AMD1: variants seen among roughly 807,000 people sequenced by gnomAD.
The protein encoded by AMD1 is S-adenosylmethionine decarboxylase proenzyme.
A neutral mutation model predicts 40.2 loss-of-function variants in AMD1; 11 were observed. The observed-to-expected ratio is 0.27, with a 90% CI of 0.17 to 0.45. AMD1 has a LOEUF of 0.45. AMD1 is among the 20% of genes least tolerant of loss of function. The probability of loss-of-function intolerance (pLI) is 1.00; values close to 1 mark genes in which losing one functional copy is unlikely to be tolerated. For synonymous variants in AMD1, 121 were observed against 130.8 expected, an observed-to-expected ratio of 0.93 and a Z score of 0.51; for missense variants, 257 against 410.2, an observed-to-expected ratio of 0.63 and a Z score of 3.23.
At chr6:110,861,244 G>A in the AMD1 span, among the ~76,000 whole-genome samples, 1 of 151,878 alleles carries the variant, frequency 6.6e-6, no homozygotes, top group African/African-American at 2.4e-5. Context: ...TGTAGTCCCA[G>A]CTACTCGGGA....
the AMD1 span, among the ~76,000 whole-genome samples, chr6:110,859,399 G>T: frequency 6.6e-6 from 1 of 152,024 alleles, no homozygotes; most frequent in African/African-American, 2.4e-5. Context: ...CTGCTGGCAC[G>T]TCCAGGCTGT....
chr6:110,885,793 T>C (rs367544047), intron 1 of AMD1, among the ~76,000 whole-genome samples: 17 of 152,346 alleles, frequency 1.1e-4, no homozygotes, highest in African/African-American at 3.6e-4. Context: ...TAAAGATTTT[T>C]GGATGGGTAT....
the AMD1 span, among the ~76,000 whole-genome samples, chr6:110,829,802 C>T: frequency 0.051 from 7,745 of 151,742 alleles, 494 homozygotes; most frequent in East Asian, 0.36. Context: ...GTCATGATTG[C>T]GCCACTGCAC....
chr6:110,847,090 A>G, the AMD1 span, among the ~76,000 whole-genome samples: 1 of 149,544 alleles, frequency 6.7e-6, no homozygotes, highest in Non-Finnish European at 1.5e-5. Context: ...GTGTGTGTGT[A>G]TAAATTTATA....
At chr6:110,853,280 G>A in the AMD1 span, among the ~76,000 whole-genome samples, 1 of 149,780 alleles carries the variant, frequency 6.7e-6, no homozygotes, top group Admixed American at 6.7e-5. Flanking sequence ...GTACTACCAT[G>A]TTCAGCGAAT....
the AMD1 span, among the ~76,000 whole-genome samples, chr6:110,868,783 C>T: frequency 3.3e-5 from 5 of 151,988 alleles, no homozygotes; most frequent in African/African-American, 9.7e-5. Context: ...AGGCCAGGCG[C>T]GGTGGCTCAC....
At chr6:110,821,483 G>A in the AMD1 span, among the ~76,000 whole-genome samples, 1 of 151,880 alleles carries the variant, frequency 6.6e-6, no homozygotes, top group Non-Finnish European at 1.5e-5. Context: ...GTGTGGTGGC[G>A]GGCACCTGTA....
the AMD1 span, among the ~76,000 whole-genome samples, chr6:110,862,591 C>A: frequency 3.3e-5 from 5 of 151,772 alleles, no homozygotes; most frequent in Non-Finnish European, 7.4e-5. Flanking sequence ...CTCAGCCTCC[C>A]AAGTAGCTGG....
At chr6:110,841,287 T>C in the AMD1 span, among the ~76,000 whole-genome samples, 1 of 152,258 alleles carries the variant, frequency 6.6e-6, no homozygotes. Context: ...TTATAAATGA[T>C]AGTTTCTTTT....
chr6:110,859,171 A>G, the AMD1 span: 1 of 1,040,068 alleles, frequency 9.6e-7, no homozygotes, highest in Non-Finnish European at 1.4e-6. Flanking sequence ...CTCTCTCCCC[A>G]TATCATCTCC....
chr6:110,870,000 C>G (rs1784886391), upstream of AMD1, among the ~76,000 whole-genome samples: 1 of 152,178 alleles, frequency 6.6e-6, no homozygotes, highest in African/African-American at 2.4e-5. Flanking sequence ...ATCCTCCCGC[C>G]TCAGCCTCCC....
the AMD1 span, among the ~76,000 whole-genome samples, chr6:110,842,544 A>G: frequency 6.6e-6 from 1 of 152,202 alleles, no homozygotes; most frequent in East Asian, 1.9e-4. Context: ...TTTGAGTAAT[A>G]AACTGTCATT....
the AMD1 span, chr6:110,815,224 T>A: frequency 2.4e-6 from 3 of 1,227,434 alleles, no homozygotes; most frequent in Non-Finnish European, 1.0e-6. Context: ...CCGCTCCACT[T>A]CTCCAACAGC....
chr6:110,853,584 GGCGTGAGCCACC>G, the AMD1 span, among the ~76,000 whole-genome samples: 6 of 152,186 alleles, frequency 3.9e-5, no homozygotes, highest in African/African-American at 7.2e-5. Context: ...TGGGATTACA[GGCGTGAGCCACC>G]GCACCTGGCC....
At chr6:110,878,388 C>T in intron 1 of AMD1, among the ~76,000 whole-genome samples, 1 of 152,200 alleles carries the variant, frequency 6.6e-6, no homozygotes, top group East Asian at 1.9e-4. Context: ...CTAAACACTG[C>T]TTCCCTCTTG....
Position 110,892,417 on chromosome 6 carries a change from G to A in AMD1, c.589G>A (p.Gly197Ser), listed in dbSNP as rs1360337341. The A allele has an allele frequency of 6.2e-7, 1 of 1,612,236 alleles. No individual in the cohort carries two copies. Among genetic ancestry groups the A allele is most frequent in the Admixed American group, 1.7e-5 (1 of 59,996 alleles). ...AVMDQFYMKDGVTAKDVTRES... is the reference protein window; with the variant it reads ...AVMDQFYMKDSVTAKDVTRES... ...TATGGACCAGTTCTACATGAAAGAT[G>A]GTGTTACTGCAAAGGATGTCACTCG... Residue 197 changes from glycine to serine, a missense_variant, in exon 6 of 9, where the codon GGT becomes AGT. By Grantham distance (56) the Gly-to-Ser change is moderately conservative. Coordinates refer to ENST00000368885, the MANE Select transcript of AMD1 (RefSeq NM_001634.6).
chr6:110,891,885 G>T, intron 4 of AMD1: 1 of 438,552 alleles, frequency 2.3e-6, no homozygotes, highest in Non-Finnish European at 4.1e-6. Flanking sequence ...TGGGATTATA[G>T]GCATGTGCCA....
At chr6:110,875,597 G>A (rs1243036143) in intron 1 of AMD1, 1 of 169,368 alleles carries the variant, frequency 5.9e-6, no homozygotes. Context: ...GGGGTCGGGG[G>A]CGCCTGCGCG....
the AMD1 span, among the ~76,000 whole-genome samples, chr6:110,845,613 A>C: frequency 6.6e-6 from 1 of 152,138 alleles, no homozygotes; most frequent in Non-Finnish European, 1.5e-5. Flanking sequence ...TTGGGTCATT[A>C]AACTCCTAAT....
Sources: gnomAD v4.1 joint callset for allele counts (sites outside exome capture counted in the v4.1 genomes callset) on GRCh38, gnomAD v4.1.1 for gene constraint, MANE v1.5 for transcripts, NCBI Gene and HGNC (gene_info 2026-07-23, HGNC 2026-07-21) for gene names.